The following RASA4 variants were observed in gnomAD, a reference collection of about 807,000 sequenced individuals.
RASA4 encodes the protein RAS p21 protein activator 4.
In RASA4, 5 loss-of-function variants were observed where a neutral mutation model predicts 24.0. The observed-to-expected ratio is 0.21, with a 90% CI of 0.11 to 0.44. The LOEUF is 0.44. Ranked by LOEUF, RASA4 falls within the 20% of genes least tolerant of loss-of-function variation. RASA4 has a pLI of 0.99. For missense variants in RASA4, 38 were observed against 293.0 expected (o/e 0.13, Z 6.35); for synonymous variants, 9 against 132.7 (o/e 0.07, Z 6.41).
At chr7:102,608,119 C>A (rs1790734590) in intron 4 of RASA4, among the ~76,000 whole-genome samples, 1 of 115,594 alleles carries the variant, frequency 8.7e-6, no homozygotes, top group African/African-American at 3.1e-5. Flanking sequence ...CAGGTGCCTG[C>A]CACCACGCCC....
At chr7:102,599,605 C>G (rs1210234877) in intron 8 of RASA4, among the ~76,000 whole-genome samples, 3 of 143,390 alleles carry the variant, frequency 2.1e-5, no homozygotes, top group African/African-American at 5.1e-5. Context: ...CCATTGCACT[C>G]CAGCCTGGGG....
intron 16 of RASA4, among the ~76,000 whole-genome samples, chr7:102,591,119 C>CAA (rs1176842850): frequency 2.0e-4 from 18 of 88,068 alleles, no homozygotes; most frequent in Admixed American, 7.0e-4. Context: ...CCCATCTCCG[C>CAA]AAAAAAAAAA....
chr7:102,599,661 A>C (rs1295048568), intron 8 of RASA4, among the ~76,000 whole-genome samples, 199 bp downstream of exon 8: 1 of 145,848 alleles, frequency 6.9e-6, no homozygotes, highest in Non-Finnish European at 1.5e-5. Flanking sequence ...ATAAATAAAT[A>C]ATAAATAAAG....
chr7:102,602,860 C>A, intron 5 of RASA4, among the ~76,000 whole-genome samples: 1 of 140,260 alleles, frequency 7.1e-6, no homozygotes, highest in African/African-American at 2.7e-5. Flanking sequence ...CCAGTAATGT[C>A]GCTCTACTTG....
chr7:102,597,801 G>A (rs1355170991), intron 8 of RASA4, among the ~76,000 whole-genome samples: 2 of 96,526 alleles, frequency 2.1e-5, no homozygotes, highest in South Asian at 5.5e-4. Context: ...TGCAACCTCC[G>A]TCTCCTGGGT....
chr7:102,590,812 T>C (rs1485193095), intron 16 of RASA4, among the ~76,000 whole-genome samples: 19 of 141,158 alleles, frequency 1.3e-4, no homozygotes. Flanking sequence ...TGGTGGCGCA[T>C]GCCTGTAATC....
intron 4 of RASA4, among the ~76,000 whole-genome samples, chr7:102,608,275 T>TAAA (rs1586857092): frequency 5.4e-5 from 3 of 55,968 alleles, no homozygotes; most frequent in East Asian, 9.7e-4. Flanking sequence ...GGCCTTTTTT[T>TAAA]TAAAAAAAAA....
intron 5 of RASA4, among the ~76,000 whole-genome samples, chr7:102,603,860 ACCACC>A (rs1562799257): frequency 4.1e-5 from 4 of 98,672 alleles, no homozygotes; most frequent in South Asian, 3.6e-4. Flanking sequence ...AAAAAAAAAA[ACCACC>A]AAAAAAAAAA....
rs1554346939 is a variant in RASA4 at position 102,605,949 on chromosome 7, C to T, written c.337G>A (p.Asp113Asn). The T allele has an allele frequency of 1.1e-5, 17 of 1,605,444 alleles. No individual in the cohort carries two copies. The highest frequency in any genetic ancestry group is 3.4e-5 in the Admixed American group (2 of 59,506). ...TGGATCTCGCCCTGCACCTCCTCAT[C>T]GGGGTCGACCTCCGTCAGGTGGGCC... ...GWAHLTEVDP[D>N]EEVQGEIHLR... Residue 113 changes from aspartate (D) to asparagine (N), a missense_variant, in exon 5 of 21, where the codon GAT (aspartate) becomes AAT (asparagine). Transcript: ENST00000262940.
chr7:102,590,739 G>A (rs1405101113), intron 16 of RASA4, among the ~76,000 whole-genome samples: 2 of 145,658 alleles, frequency 1.4e-5, no homozygotes, highest in African/African-American at 5.4e-5. Flanking sequence ...TTGGGAGTTC[G>A]AGACCAGCCT....
At chr7:102,599,660 T>A (rs1186853331) in intron 8 of RASA4, among the ~76,000 whole-genome samples, 200 bp downstream of exon 8, 4 of 145,782 alleles carry the variant, frequency 2.7e-5, no homozygotes, top group South Asian at 2.2e-4. Context: ...AATAAATAAA[T>A]AATAAATAAA....
chr7:102,598,349 C>CA (rs752931926), intron 8 of RASA4, among the ~76,000 whole-genome samples: 30,613 of 95,182 alleles, frequency 0.32, 3,983 homozygotes, highest in South Asian at 0.44. Context: ...AGATTCTGCT[C>CA]AAAAAAAAAA....
intron 16 of RASA4, among the ~76,000 whole-genome samples, chr7:102,591,950 C>G (rs1180167820): frequency 3.3e-5 from 5 of 152,358 alleles, no homozygotes; most frequent in African/African-American, 1.2e-4. Context: ...TCCCGTGCCT[C>G]AGCCTCCCGA....
intron 8 of RASA4, among the ~76,000 whole-genome samples, chr7:102,597,352 C>T (rs1790254123): frequency 6.8e-5 from 1 of 14,678 alleles, no homozygotes; most frequent in African/African-American, 1.2e-4. Flanking sequence ...GCATGCGCCA[C>T]CATACCCGGC....
chr7:102,603,525 C>G (rs1172640449), intron 5 of RASA4, among the ~76,000 whole-genome samples: 8 of 151,862 alleles, frequency 5.3e-5, no homozygotes, highest in Admixed American at 1.3e-4. Context: ...CCTCTGCTTC[C>G]CAAAGCATTG....
At chr7:102,590,903 G>A (rs1183575120) in intron 16 of RASA4, among the ~76,000 whole-genome samples, 5 of 142,372 alleles carry the variant, frequency 3.5e-5, no homozygotes, top group Non-Finnish European at 7.6e-5. Context: ...TCGCACCATT[G>A]CACTCTGGCC....
At position 102,593,689 on chromosome 7, in the gene RASA4, TG is replaced by T. The variant is rs1790105125; in HGVS notation, c.1515+17del. On this transcript the variant is annotated intron_variant, in intron 14 of 20. Transcript: ENST00000262940. ...GACACCCAGCTGTGCATCCCGCCCG[TG>T]GCCGCAAGGCCCGCACCTTGGCCAA... is the stretch of plus-strand genomic sequence containing the variant. 1 of 287,518 alleles carries T rather than the reference TG, an allele frequency of 3.5e-6. No individual in the cohort carries two copies. The highest frequency in any genetic ancestry group is 7.2e-5 in the East Asian group (1 of 13,816). 17.8% of individuals were successfully genotyped at this position (287,518 alleles called of 1,614,324 possible).
At chr7:102,596,548 C>T (rs1255861878) in intron 8 of RASA4, among the ~76,000 whole-genome samples, 1 of 86,450 alleles carries the variant, frequency 1.2e-5, no homozygotes, top group African/African-American at 3.0e-5. Flanking sequence ...TTAGATTGAG[C>T]TTCCCAGCTT....
At chr7:102,588,666 A>AATTT (rs1337308313) in intron 17 of RASA4, among the ~76,000 whole-genome samples, 4 of 3,004 alleles carry the variant, frequency 1.3e-3, no homozygotes, top group South Asian at 0.013. Flanking sequence ...TTTACTAATT[A>AATTT]ATTTATTTAT....
Sources: allele counts gnomAD v4.1 joint callset (sites outside exome capture counted in the v4.1 genomes callset), GRCh38; gene constraint gnomAD v4.1.1; transcripts MANE v1.5; gene names NCBI Gene and HGNC (gene_info 2026-07-23, HGNC 2026-07-21).